Variants in RIN2 observed in about 807,000 individuals in gnomAD.
The protein encoded by RIN2 is RAB5 interacting protein 2.
Under a neutral mutation model 78.0 loss-of-function variants are expected in RIN2, and 36 were observed. The observed-to-expected ratio is 0.46, with a 90% CI of 0.35 to 0.61. The LOEUF (loss-of-function observed/expected upper bound fraction) is 0.61. RIN2 is among the 20% of genes least tolerant of loss of function. The probability of loss-of-function intolerance (pLI) is 0.00; values close to 1 mark genes in which losing one functional copy is unlikely to be tolerated. For missense variants in RIN2, 1,087 were observed against 1,159.7 expected, an observed-to-expected ratio of 0.94 and a Z score of 0.91; for synonymous variants, 466 against 466.8, an observed-to-expected ratio of 1.00 and a Z score of 0.02.
intron 2 of RIN2, among the ~76,000 whole-genome samples, chr20:19,874,183 T>C (rs1356442066): frequency 6.6e-6 from 1 of 152,146 alleles, no homozygotes; most frequent in East Asian, 1.9e-4. Context: ...AAAATGTGAA[T>C]GTTAGATAAA....
At chr20:19,767,922 C>CAAG (rs750311967) in intron 1 of RIN2, among the ~76,000 whole-genome samples, 2 of 124,624 alleles carry the variant, frequency 1.6e-5, no homozygotes, top group Non-Finnish European at 3.2e-5. Flanking sequence ...AAAACTGTCT[C>CAAG]AAAAAAAAAA....
At chr20:19,992,441 C>T in intron 11 of RIN2, 142 bp downstream of exon 11, 1 of 787,800 alleles carries the variant, frequency 1.3e-6, no homozygotes, top group East Asian at 2.8e-5. Flanking sequence ...CAATGTCATG[C>T]ATTCTCCACC....
intron 4 of RIN2, among the ~76,000 whole-genome samples, chr20:19,949,827 A>G (rs1347118675): frequency 1.3e-5 from 2 of 152,174 alleles, no homozygotes; most frequent in African/African-American, 4.8e-5. Context: ...TTAGGACAAG[A>G]AAAGGCATGC....
intron 1 of RIN2, among the ~76,000 whole-genome samples, chr20:19,758,696 C>G (rs1008854480): frequency 3.3e-5 from 5 of 152,108 alleles, no homozygotes; most frequent in Admixed American, 2.6e-4. Flanking sequence ...GGTGTGCGTG[C>G]GTGTGCACCG....
intron 4 of RIN2, among the ~76,000 whole-genome samples, chr20:19,948,627 C>T (rs2041192478): frequency 6.6e-6 from 1 of 151,922 alleles, no homozygotes; most frequent in Non-Finnish European, 1.5e-5. Flanking sequence ...AATCATAGTA[C>T]ATTTTAAATA....
At chr20:19,841,788 GA>G (rs2036585011) in intron 2 of RIN2, among the ~76,000 whole-genome samples, 1 of 152,226 alleles carries the variant, frequency 6.6e-6, no homozygotes, top group Admixed American at 6.5e-5. Context: ...AGCTGCAGAA[GA>G]AAAGTTTGAA....
rs559984559 is a variant in RIN2, at chr20:19,862,381, C to G, written c.-36-27185C>G. ...CCGAGGCGGGTGGATTGCCTGAGCT[C>G]GAGAGTTCGAGACCAGCCTGGCCAA... On this transcript the variant is annotated intron_variant, in intron 2 of 12. Coordinates refer to ENST00000255006, the MANE Select transcript of RIN2 (RefSeq NM_018993.4). Among the ~76,000 whole-genome samples, 5 of 152,184 alleles carry G rather than the reference C, an allele frequency of 3.3e-5. No homozygotes were observed. The East Asian group carries it at 7.7e-4, about 24-fold the overall frequency.
At chr20:19,889,277 C>T in intron 2 of RIN2, 4 of 1,094,218 alleles carry the variant, frequency 3.7e-6, no homozygotes, top group Non-Finnish European at 4.5e-6. Flanking sequence ...CACATTTCAG[C>T]AGGAGGTGAA....
chr20:19,935,901 TCG>T (rs2146124065), intron 4 of RIN2, among the ~76,000 whole-genome samples: 1 of 152,322 alleles, frequency 6.6e-6, no homozygotes, highest in African/African-American at 2.4e-5. Context: ...CACAGACACT[TCG>T]TGCCTTAGAG....
intron 2 of RIN2, chr20:19,886,630 T>TTC: frequency 1.2e-6 from 1 of 831,300 alleles, no homozygotes; most frequent in Non-Finnish European, 1.9e-6. Context: ...TTTTTTTTTT[T>TTC]TGCTAGCTTT....
intron 10 of RIN2, 39 bp downstream of exon 10, chr20:19,990,350 T>C (rs2042761319): frequency 6.4e-7 from 1 of 1,568,988 alleles, no homozygotes; most frequent in Non-Finnish European, 8.7e-7. Context: ...GCCGCTTCCC[T>C]TCCGGGCCGG....
chr20:19,910,535 G>A (rs532519100), intron 3 of RIN2, among the ~76,000 whole-genome samples: 2 of 134,344 alleles, frequency 1.5e-5, no homozygotes, highest in Non-Finnish European at 3.2e-5. Flanking sequence ...TGTGTATATT[G>A]TTTGAATTTT....
rs570959578 is a variant in RIN2, at chr20:19,971,849, C to T, written c.628+920C>T. 8.0e-5 allele frequency among the ~76,000 whole-genome samples: 12 copies of T among 149,950 alleles called. No homozygotes were observed. The East Asian group carries it at 2.4e-3, about 30-fold the overall frequency. On this transcript the variant is annotated intron_variant, in intron 8 of 12. Transcript: ENST00000255006. ...TTCTGCCTCCCAGGTTCAAGCGATC[C>T]TCCCACCTTAGCCTCCCGAGTAGCT...
intron 3 of RIN2, among the ~76,000 whole-genome samples, chr20:19,918,432 C>T (rs2039775498): frequency 1.3e-5 from 2 of 151,572 alleles, no homozygotes; most frequent in Non-Finnish European, 2.9e-5. Context: ...ATCAACAGGA[C>T]ATTAAAGCTG....
chr20:19,861,643 C>T (rs955250224), intron 2 of RIN2, among the ~76,000 whole-genome samples: 2 of 150,250 alleles, frequency 1.3e-5, no homozygotes, highest in African/African-American at 4.9e-5. Context: ...AATGATCACC[C>T]TCCATATCTG....
chr20:19,872,009 C>T (rs1274465173), intron 2 of RIN2: 1 of 152,124 alleles, frequency 6.6e-6, no homozygotes, highest in African/African-American at 2.4e-5. Context: ...CAAATCTCAT[C>T]TTGAATTGTA....
chr20:19,920,221 G>A (rs448367), intron 3 of RIN2, among the ~76,000 whole-genome samples: 39,252 of 151,168 alleles, frequency 0.26, 6,366 homozygotes, highest in East Asian at 0.55. Flanking sequence ...GCGTGAACCC[G>A]GGAGGGGGAG....
chr20:19,878,110 A>G (rs141677467), intron 2 of RIN2, among the ~76,000 whole-genome samples: 1 of 152,200 alleles, frequency 6.6e-6, no homozygotes, highest in African/African-American at 2.4e-5. Context: ...AACACCTGAG[A>G]TATGCACTTT....
chr20:19,924,489 C>CTCACCTTCATACTCT (rs1333234189), intron 3 of RIN2, among the ~76,000 whole-genome samples: 2 of 35,206 alleles, frequency 5.7e-5, no homozygotes, highest in Non-Finnish European at 1.2e-4. Context: ...CCTTCATACC[C>CTCACCTTCATACTCT]CACCTTCATA....
Sources: allele counts gnomAD v4.1 joint callset (sites outside exome capture counted in the v4.1 genomes callset), GRCh38; gene constraint gnomAD v4.1.1; transcripts MANE v1.5; gene names NCBI Gene and HGNC (gene_info 2026-07-23, HGNC 2026-07-21).